Variants in NBEA observed in about 807,000 individuals in gnomAD.
NBEA encodes lysosomal-trafficking regulator 2.
In NBEA, 44 loss-of-function variants were observed where a neutral mutation model predicts 343.4. The ratio of observed to expected loss-of-function variants is 0.13; its 90% CI spans 0.10 to 0.16. The LOEUF is 0.16. Ranked by LOEUF, NBEA falls within the 10% of genes least tolerant of loss-of-function variation. NBEA has a pLI of 1.00. For missense variants in NBEA, 2,555 were observed against 3,631.3 expected, an observed-to-expected ratio of 0.70 and a Z score of 7.62; for synonymous variants, 1,175 against 1,238.7, an observed-to-expected ratio of 0.95 and a Z score of 1.08.
intron 38 of NBEA, among the ~76,000 whole-genome samples, chr13:35,381,075 G>T (rs1231220156): frequency 6.6e-6 from 1 of 151,982 alleles, no homozygotes; most frequent in African/African-American, 2.4e-5. Flanking sequence ...TGATTGAATT[G>T]AATGTGGTTA....
At chr13:35,476,759 G>A (rs2075890887) in intron 41 of NBEA, 1 of 1,052,648 alleles carries the variant, frequency 9.5e-7, no homozygotes, top group South Asian at 3.5e-5. Flanking sequence ...AATCGCCACT[G>A]GGCTCGTCAC....
chr13:35,663,778 A>G (rs577229388), intron 55 of NBEA, among the ~76,000 whole-genome samples: 1 of 152,362 alleles, frequency 6.6e-6, no homozygotes, highest in East Asian at 1.9e-4. Flanking sequence ...GACATTATAA[A>G]TGGACACTCT....
intron 21 of NBEA, 113 bp downstream of exon 21, chr13:35,157,383 G>A (rs2069241099): frequency 2.5e-6 from 2 of 795,522 alleles, no homozygotes; most frequent in Admixed American, 4.0e-5. Flanking sequence ...ACAGATTCCT[G>A]TATCTCAGTT....
intron 33 of NBEA, among the ~76,000 whole-genome samples, chr13:35,223,005 C>T (rs2074455528): frequency 6.6e-6 from 1 of 152,204 alleles, no homozygotes; most frequent in South Asian, 2.1e-4. Context: ...GTGGCATGTG[C>T]CTGTAATCCC....
At chr13:35,143,152 T>C (rs1458647982) in intron 18 of NBEA, among the ~76,000 whole-genome samples, 2 of 152,182 alleles carry the variant, frequency 1.3e-5, no homozygotes, top group East Asian at 3.8e-4. Flanking sequence ...AAGAATAATA[T>C]ATGAGTTGTA....
At chr13:35,596,594 G>C (rs1396039741) in intron 47 of NBEA, among the ~76,000 whole-genome samples, 1 of 152,126 alleles carries the variant, frequency 6.6e-6, no homozygotes, top group African/African-American at 2.4e-5. Flanking sequence ...GAGGTCTCTG[G>C]AGTTGAGTCA....
chr13:35,015,653 G>A (rs1340024283), intron 1 of NBEA, among the ~76,000 whole-genome samples: 1 of 151,784 alleles, frequency 6.6e-6, no homozygotes, highest in Non-Finnish European at 1.5e-5. Flanking sequence ...CAAAAATAAT[G>A]AGAAAATTAG....
chr13:35,039,476 A>G (rs892015532), intron 1 of NBEA, among the ~76,000 whole-genome samples: 2 of 152,202 alleles, frequency 1.3e-5, no homozygotes, highest in Non-Finnish European at 2.9e-5. Flanking sequence ...ATATTCTTAT[A>G]TGAGATTGTA....
chr13:35,160,675 G>A (rs948681984), intron 22 of NBEA, among the ~76,000 whole-genome samples: 3 of 152,100 alleles, frequency 2.0e-5, no homozygotes, highest in South Asian at 4.1e-4. Flanking sequence ...TTTGTTATAA[G>A]ACAATTAAAG....
At chr13:35,136,021 C>A (rs1240423005) in intron 17 of NBEA, among the ~76,000 whole-genome samples, 7 of 151,600 alleles carry the variant, frequency 4.6e-5, no homozygotes, top group Admixed American at 2.0e-4. Flanking sequence ...GAAAGAATAT[C>A]CCTTGTCCCA....
rs140442790 is a variant in NBEA at position 35,597,022 on chromosome 13, T to G, written c.7296+3575T>G. On this transcript the variant is annotated intron_variant, in intron 47 of 58. Coordinates refer to ENST00000379939, the MANE Select transcript of NBEA (RefSeq NM_001385012.1). The stretch of plus-strand genomic sequence containing the variant: ...GGAAGCCATAAAATGGTACGCTCTC[T>G]CAGCAAAATATATTAAACTGAAATG... Among the ~76,000 whole-genome samples the G allele has an allele frequency of 5.1e-3, 778 of 152,268 alleles. 11 individuals are homozygous for G. Among genetic ancestry groups the G allele is most frequent in the African/African-American group, 0.018 (731 of 41,564 alleles).
At chr13:35,112,815 A>G (rs1164537510) in intron 13 of NBEA, among the ~76,000 whole-genome samples, 1 of 152,114 alleles carries the variant, frequency 6.6e-6, no homozygotes, top group Non-Finnish European at 1.5e-5. Context: ...GATTGGTAAT[A>G]AATTGTAGAC....
At chr13:35,427,271 C>T (rs1278982264) in intron 38 of NBEA, among the ~76,000 whole-genome samples, 2 of 152,098 alleles carry the variant, frequency 1.3e-5, no homozygotes, top group African/African-American at 2.4e-5. Context: ...GTTTTATCTA[C>T]CTTTGGTCTT....
chr13:35,171,229 T>G (rs1795380835), intron 25 of NBEA, 43 bp from the exon 26 acceptor site: 1 of 1,545,018 alleles, frequency 6.5e-7, no homozygotes. Context: ...ATTTCCAAAT[T>G]TCCAAATTTT....
intron 43 of NBEA, among the ~76,000 whole-genome samples, chr13:35,554,060 A>G (rs1278230249): frequency 6.6e-6 from 1 of 152,156 alleles, no homozygotes. Flanking sequence ...ACAGACATAC[A>G]CACCCCATTA....
chr13:35,085,440 A>G (rs1474500290), intron 10 of NBEA, among the ~76,000 whole-genome samples: 2 of 152,212 alleles, frequency 1.3e-5, no homozygotes, highest in Non-Finnish European at 2.9e-5. Flanking sequence ...TATGCAAATC[A>G]ATAAATGTAA....
intron 34 of NBEA, among the ~76,000 whole-genome samples, chr13:35,272,299 A>G (rs2034224230): frequency 6.6e-6 from 1 of 152,188 alleles, no homozygotes; most frequent in African/African-American, 2.4e-5. Flanking sequence ...ACAGACAAAC[A>G]TATGCTGAGA....
chr13:35,144,549 G>C (rs2068297268), intron 18 of NBEA, among the ~76,000 whole-genome samples: 1 of 152,132 alleles, frequency 6.6e-6, no homozygotes, highest in Admixed American at 6.5e-5. Context: ...CCTTTTGCTA[G>C]TCATGCGAAA....
chr13:35,380,073 C>CA (rs1444674335), intron 38 of NBEA, among the ~76,000 whole-genome samples: 2 of 152,102 alleles, frequency 1.3e-5, no homozygotes, highest in African/African-American at 4.8e-5. Context: ...GACACCTTTG[C>CA]ACTTTTGATA....
Sources: gnomAD v4.1 joint callset for allele counts (sites outside exome capture counted in the v4.1 genomes callset) on GRCh38, gnomAD v4.1.1 for gene constraint, MANE v1.5 for transcripts, NCBI Gene and HGNC (gene_info 2026-07-23, HGNC 2026-07-21) for gene names.